GNS: variants seen among roughly 807,000 people sequenced by gnomAD.
GNS encodes the protein glucosamine (N-acetyl)-6-sulfatase.
GNS carries 40 observed loss-of-function variants against 69.7 expected under a neutral mutation model. The ratio of observed to expected loss-of-function variants is 0.57; its 90% CI spans 0.45 to 0.75. GNS has a LOEUF of 0.75. Among genes scored for constraint, GNS ranks in the 30% least tolerant of loss-of-function variants. The pLI is 0.00. For synonymous variants in GNS, 243 were observed against 251.6 expected (o/e 0.97, Z 0.32); for missense variants, 565 against 685.5 (o/e 0.82, Z 1.96).
Position 64,747,921 on chromosome 12 carries a change from A to T in GNS, c.253-3T>A. 1 of 1,563,722 alleles carries T rather than the reference A, an allele frequency of 6.4e-7. No individual in the cohort carries two copies. Among genetic ancestry groups the T allele is most frequent in the Non-Finnish European group, 8.8e-7 (1 of 1,134,030 alleles). ...CAGCAGAGAGCACTTGGCACATACTACAAAGGAAAGGAAGCAAAAACGACA... is the reference window on the plus strand; with the variant it reads ...CAGCAGAGAGCACTTGGCACATACTTCAAAGGAAAGGAAGCAAAAACGACA... On this transcript the variant is annotated splice_region_variant and splice_polypyrimidine_tract_variant and intron_variant, in intron 2 of 13. Transcript: ENST00000258145.
chr12:64,749,598 TACTA>T (rs1870012563), intron 2 of GNS, among the ~76,000 whole-genome samples: 1 of 152,216 alleles, frequency 6.6e-6, no homozygotes, highest in Non-Finnish European at 1.5e-5. Flanking sequence ...TCTCCACATG[TACTA>T]ACTGACTGTG....
At chr12:64,721,820 T>C (rs570890140) in intron 11 of GNS, 115 bp from the exon 12 acceptor site, 5 of 731,030 alleles carry the variant, frequency 6.8e-6, no homozygotes, top group African/African-American at 3.5e-5. Context: ...TGACAGCAAT[T>C]AGAAAACCTT....
chr12:64,737,739 A>G (rs1869598084), intron 8 of GNS, among the ~76,000 whole-genome samples: 1 of 152,382 alleles, frequency 6.6e-6, no homozygotes, highest in South Asian at 2.1e-4. Flanking sequence ...CACGGGCCTC[A>G]TGACATGATG....
intron 1 of GNS, among the ~76,000 whole-genome samples, chr12:64,758,848 AG>A (rs1432268015): frequency 6.6e-6 from 1 of 152,212 alleles, no homozygotes; most frequent in African/African-American, 2.4e-5. Context: ...TAAACTCCAC[AG>A]CAGTACGGTC....
At chr12:64,717,518 ATT>A (rs57088346) in intron 13 of GNS, among the ~76,000 whole-genome samples, 28 of 131,426 alleles carry the variant, frequency 2.1e-4, no homozygotes, top group African/African-American at 6.2e-4. Flanking sequence ...CACCTGGCTA[ATT>A]TTTTTTTTTT....
intron 9 of GNS, among the ~76,000 whole-genome samples, chr12:64,734,113 C>T (rs949196650): frequency 6.6e-6 from 1 of 152,160 alleles, no homozygotes; most frequent in Non-Finnish European, 1.5e-5. Context: ...CTCCGACATT[C>T]TTTGTGCCAG....
chr12:64,746,968 TTC>T (rs1401007713), intron 3 of GNS, among the ~76,000 whole-genome samples: 2 of 152,224 alleles, frequency 1.3e-5, no homozygotes, highest in African/African-American at 4.8e-5. Context: ...TAAGTACATT[TTC>T]TCTGTCTTGA....
At chr12:64,736,700 C>G (rs1035693179) in intron 9 of GNS, among the ~76,000 whole-genome samples, 1 of 152,154 alleles carries the variant, frequency 6.6e-6, no homozygotes, top group African/African-American at 2.4e-5. Flanking sequence ...TTTCGGAGGG[C>G]AATTTTGATG....
In GNS at chr12:64,759,251, C is replaced by T. The variant is rs1402736830; in HGVS notation, c.26G>A (p.Gly9Asp). ...GCGGGGGCTGCCCCGCCGGAGCCGA[C>T]CTGGGGCTAGAGGCAGGAGCCGCAT... MRLLPLAP[G>D]RLRRGSPRHL... The change falls in exon 1 of 14, where the codon GGT becomes GAT. Residue 9 changes from glycine (G) to aspartate (D), a missense_variant. By Grantham distance (94) the Gly-to-Asp change is moderately conservative (BLOSUM62 -1). This residue lies in a region of GNS where 181 missense variants were observed against 174.4 expected (regional missense o/e 1.04). Transcript: ENST00000258145. 1.9e-6 allele frequency: 3 copies of T among 1,539,950 alleles called. No homozygotes were observed. The highest frequency in any genetic ancestry group is 2.8e-5 in the African/African-American group (2 of 72,620).
chr12:64,731,638 TATGA>T (rs1303002983), intron 9 of GNS, among the ~76,000 whole-genome samples: 4 of 152,226 alleles, frequency 2.6e-5, no homozygotes, highest in South Asian at 2.1e-4. Context: ...AAATACCAAG[TATGA>T]ATGAAGAGTT....
At chr12:64,735,470 T>C (rs1228098641) in intron 9 of GNS, among the ~76,000 whole-genome samples, 3 of 152,274 alleles carry the variant, frequency 2.0e-5, no homozygotes, top group Non-Finnish European at 4.4e-5. Flanking sequence ...GTTAGCTATA[T>C]TATTGAAATG....
At chr12:64,722,938 A>G in intron 11 of GNS, 68 bp downstream of exon 11, 2 of 937,700 alleles carry the variant, frequency 2.1e-6, no homozygotes, top group East Asian at 2.4e-5. Flanking sequence ...TATTTGACAC[A>G]TGGCAACCAG....
At chr12:64,724,342 C>G (rs1386490386) in intron 10 of GNS, among the ~76,000 whole-genome samples, 1 of 152,206 alleles carries the variant, frequency 6.6e-6, no homozygotes, top group Non-Finnish European at 1.5e-5. Flanking sequence ...ACAGGCAATT[C>G]TGGGGAATGC....
intron 9 of GNS, among the ~76,000 whole-genome samples, chr12:64,733,939 C>T (rs1199211513): frequency 6.6e-6 from 1 of 152,212 alleles, no homozygotes; most frequent in Non-Finnish European, 1.5e-5. Flanking sequence ...CCCATTTCTC[C>T]CACACAGCTT....
chr12:64,726,677 G>A (rs896841187), intron 10 of GNS, among the ~76,000 whole-genome samples: 1 of 152,042 alleles, frequency 6.6e-6, no homozygotes, highest in East Asian at 1.9e-4. Flanking sequence ...TGTATTTTTT[G>A]TAGAGACTGG....
At chr12:64,718,688 T>C (rs1868936380) in intron 13 of GNS, among the ~76,000 whole-genome samples, 1 of 152,108 alleles carries the variant, frequency 6.6e-6, no homozygotes, top group South Asian at 2.1e-4. Flanking sequence ...ATCCAAGAGG[T>C]CCAGTCCCTT....
In GNS at chr12:64,724,555, G is replaced by C. The variant is rs567802257; in HGVS notation, c.1201-1442C>G. Among the ~76,000 whole-genome samples the C allele has an allele frequency of 3.3e-5, 5 of 152,280 alleles. No individual in the cohort carries two copies. In the South Asian group the frequency reaches 1.0e-3, roughly 32 times the overall value. Reference sequence around the variant, plus strand: ...GGATCTCAGAAATCATGAGTCACTGGAGACTTAAAAAGCTCATGCTGGCTG... The same window carrying C: ...GGATCTCAGAAATCATGAGTCACTGCAGACTTAAAAAGCTCATGCTGGCTG... On this transcript the variant is annotated intron_variant, in intron 10 of 13. Coordinates refer to ENST00000258145, the MANE Select transcript of GNS (RefSeq NM_002076.4).
At chr12:64,756,878 G>A (rs1015406939) in intron 1 of GNS, 3 of 606,684 alleles carry the variant, frequency 4.9e-6, no homozygotes, top group Non-Finnish European at 5.8e-6. Flanking sequence ...AATCTGGGCC[G>A]AGACAGTGGC....
intron 1 of GNS, among the ~76,000 whole-genome samples, chr12:64,758,392 G>T (rs776315480): frequency 2.1e-4 from 27 of 129,214 alleles, no homozygotes; most frequent in Non-Finnish European, 3.3e-4. Flanking sequence ...GCGCGATCTC[G>T]GCTCACTGCA....
Sources: allele counts gnomAD v4.1 joint callset (sites outside exome capture counted in the v4.1 genomes callset), GRCh38; gene constraint gnomAD v4.1.1; regional missense constraint gnomAD v4.1.1; transcripts MANE v1.5; gene names NCBI Gene and HGNC (gene_info 2026-07-23, HGNC 2026-07-21).